PHF24: variants seen among roughly 807,000 people sequenced by gnomAD.
The protein encoded by PHF24 is PHD finger protein 24.
Under a neutral mutation model 42.6 loss-of-function variants are expected in PHF24, and 25 were observed. That is an observed-to-expected ratio of 0.59 (90% CI 0.43 to 0.82). PHF24 has a LOEUF of 0.82. Ranked by LOEUF, PHF24 falls within the 40% of genes least tolerant of loss-of-function variation. The probability of loss-of-function intolerance (pLI) is 0.00; values close to 1 mark genes in which losing one functional copy is unlikely to be tolerated. For synonymous variants in PHF24, 185 were observed against 204.8 expected, an observed-to-expected ratio of 0.90 and a Z score of 0.83; for missense variants, 470 against 538.1, an observed-to-expected ratio of 0.87 and a Z score of 1.25.
At chr9:34,825,934 G>A in the PHF24 span, among the ~76,000 whole-genome samples, 1 of 152,098 alleles carries the variant, frequency 6.6e-6, no homozygotes, top group African/African-American at 2.4e-5. Flanking sequence ...CCAGGGACCC[G>A]CCCCTGTGGC....
At chr9:34,802,033 A>T in the PHF24 span, among the ~76,000 whole-genome samples, 1 of 152,266 alleles carries the variant, frequency 6.6e-6, no homozygotes, top group South Asian at 2.1e-4. Context: ...TATGTAAAAA[A>T]CCTGCACATT....
At chr9:34,814,739 T>C in the PHF24 span, among the ~76,000 whole-genome samples, 11 of 152,244 alleles carry the variant, frequency 7.2e-5, no homozygotes, top group East Asian at 2.1e-3. Flanking sequence ...TCGCAGATCC[T>C]GTACAATTCT....
chr9:34,744,759 A>G, the PHF24 span, among the ~76,000 whole-genome samples: 1 of 152,150 alleles, frequency 6.6e-6, no homozygotes, highest in African/African-American at 2.4e-5. Flanking sequence ...GGTGTAAAAA[A>G]GGTTGGGAGC....
At chr9:34,690,372 C>T in the PHF24 span, 1 of 1,609,686 alleles carries the variant, frequency 6.2e-7, no homozygotes, top group Non-Finnish European at 8.5e-7. Flanking sequence ...TGACAGGACA[C>T]AGGGACCCTT....
chr9:34,740,771 AT>A, the PHF24 span, among the ~76,000 whole-genome samples: 4 of 152,260 alleles, frequency 2.6e-5, no homozygotes, highest in African/African-American at 9.6e-5. Flanking sequence ...CATTAAATAA[AT>A]TATTATATAT....
At chr9:34,732,070 C>T in the PHF24 span, among the ~76,000 whole-genome samples, 181 of 150,922 alleles carry the variant, frequency 1.2e-3, no homozygotes, top group Non-Finnish European at 2.0e-3. Flanking sequence ...CTTTATTGCC[C>T]GTGTTGGTCT....
chr9:34,683,387 G>A, the PHF24 span, among the ~76,000 whole-genome samples: 4 of 152,206 alleles, frequency 2.6e-5, no homozygotes, highest in Non-Finnish European at 5.9e-5. Flanking sequence ...AAACAACTTG[G>A]AGGCTAGGTT....
chr9:34,837,530 G>T, the PHF24 span: 1 of 683,256 alleles, frequency 1.5e-6, no homozygotes, highest in East Asian at 2.8e-5. Context: ...GGAAGTTTCA[G>T]TCTGGGGAAC....
chr9:34,842,509 G>A, the PHF24 span, among the ~76,000 whole-genome samples: 1 of 152,158 alleles, frequency 6.6e-6, no homozygotes, highest in Non-Finnish European at 1.5e-5. Flanking sequence ...CTGCCCTCAT[G>A]AATGGGATTA....
the PHF24 span, chr9:34,726,642 C>A: frequency 6.4e-7 from 1 of 1,551,842 alleles, no homozygotes; most frequent in Non-Finnish European, 8.7e-7. Flanking sequence ...TGGAGGTGAT[C>A]AGCCCAGTAA....
chr9:34,685,544 A>G, the PHF24 span, among the ~76,000 whole-genome samples: 1 of 151,846 alleles, frequency 6.6e-6, no homozygotes, highest in Non-Finnish European at 1.5e-5. Flanking sequence ...GAGCTTTTCT[A>G]CCCCAACTAG....
the PHF24 span, among the ~76,000 whole-genome samples, chr9:34,697,916 G>A: frequency 5.9e-5 from 9 of 152,140 alleles, no homozygotes; most frequent in South Asian, 4.1e-4. Context: ...GAATTCTTGC[G>A]TGGTAGAGGA....
chr9:34,690,307 A>C, the PHF24 span: 1 of 1,614,074 alleles, frequency 6.2e-7, no homozygotes, highest in Non-Finnish European at 8.5e-7. Flanking sequence ...GACAGGCAGC[A>C]GTCTTCAGCA....
At chr9:34,705,880 A>G in the PHF24 span, among the ~76,000 whole-genome samples, 1 of 152,206 alleles carries the variant, frequency 6.6e-6, no homozygotes, top group Non-Finnish European at 1.5e-5. Flanking sequence ...CTTGGGCAAT[A>G]TAGTGAGACC....
the PHF24 span, among the ~76,000 whole-genome samples, chr9:34,771,641 G>A: frequency 1.3e-5 from 2 of 152,090 alleles, no homozygotes; most frequent in Admixed American, 6.5e-5. Flanking sequence ...ATTACTTTAT[G>A]CCATTTTATC....
chr9:34,860,580 CTCTCT>C, the PHF24 span, among the ~76,000 whole-genome samples: 1 of 151,742 alleles, frequency 6.6e-6, no homozygotes, highest in South Asian at 2.1e-4. Context: ...ATTTTTTTCT[CTCTCT>C]TATTTTTCTT....
chr9:34,710,673 T>C, the PHF24 span, among the ~76,000 whole-genome samples: 1 of 151,794 alleles, frequency 6.6e-6, no homozygotes, highest in African/African-American at 2.4e-5. Flanking sequence ...GGTTTCACGA[T>C]GTCTAGCCCA....
chr9:34,673,355 A>C, the PHF24 span, among the ~76,000 whole-genome samples: 1 of 594 alleles, frequency 1.7e-3, no homozygotes, highest in African/African-American at 1.9e-3. Context: ...CTCTATTTCA[A>C]AAAAAAAAAA....
the PHF24 span, among the ~76,000 whole-genome samples, chr9:34,741,087 T>C: frequency 6.6e-6 from 1 of 152,108 alleles, no homozygotes; most frequent in Admixed American, 6.5e-5. Context: ...GGTTTCACCA[T>C]GTTGGCCAGG....
Sources: gnomAD v4.1 joint callset for allele counts (sites outside exome capture counted in the v4.1 genomes callset) on GRCh38, gnomAD v4.1.1 for gene constraint, MANE v1.5 for transcripts, NCBI Gene and HGNC (gene_info 2026-07-23, HGNC 2026-07-21) for gene names.